LMBR1L: variants seen among roughly 807,000 people sequenced by gnomAD.
The protein encoded by LMBR1L is limb development membrane protein 1 like.
LMBR1L carries 47 observed loss-of-function variants against 67.3 expected under a neutral mutation model. The ratio of observed to expected loss-of-function variants is 0.70; its 90% CI spans 0.55 to 0.89. The LOEUF (loss-of-function observed/expected upper bound fraction) is 0.89, where lower values mean the gene tolerates loss of function less well. Among genes scored for constraint, LMBR1L ranks in the 40% least tolerant of loss-of-function variants. LMBR1L has a pLI of 0.00. For synonymous variants in LMBR1L, 247 were observed against 250.3 expected (o/e 0.99, Z 0.13); for missense variants, 533 against 599.2 (o/e 0.89, Z 1.15).
In LMBR1L at chr12:49,110,813, GT is replaced by G; in HGVS notation, c.-259del. 2.0e-6 allele frequency: 1 copy of G among 502,374 alleles called. No homozygotes were observed. The highest frequency in any genetic ancestry group is 5.3e-4 in the Middle Eastern group (1 of 1,876). 31.1% of individuals were successfully genotyped at this position (502,374 alleles called of 1,614,324 possible). ...CTCTTTAAGGTCGGGTCGCGCTCAC[GT>G]TTCAATGCAAACACCCGCCACTAGG... is the stretch of plus-strand genomic sequence containing the variant. On this transcript the variant is annotated 5_prime_UTR_variant, in exon 1 of 17. Coordinates refer to ENST00000267102, the MANE Select transcript of LMBR1L (RefSeq NM_018113.4).
At position 49,109,725 on chromosome 12, in the gene LMBR1L, AC is replaced by A. The variant is rs147876630; in HGVS notation, c.72+758del. 3.1e-3 allele frequency: 1,403 copies of A among 456,578 alleles called. 16 individuals carry two copies. Among genetic ancestry groups the A allele is most frequent in the African/African-American group, 0.025 (1,262 of 50,140 alleles). The allele number at this position is 456,578 out of a possible 1,614,324, so 28.3% of individuals were successfully genotyped here. ...ACCCTAAGCTCCACTGGGTACCCCTACCCCAGAATTGAGTAGTCCACTTCTG... is the reference window on the plus strand; with the variant it reads ...ACCCTAAGCTCCACTGGGTACCCCTACCCAGAATTGAGTAGTCCACTTCTG... On this transcript the variant is annotated intron_variant, in intron 1 of 16. Transcript: ENST00000267102.
In LMBR1L at chr12:49,101,501, C is replaced by A. The variant is rs1211259984; in HGVS notation, c.979G>T (p.Asp327Tyr). ...ATGCCTCGGGGCATGGCAGCCTCAT[C>A]GATGAGCAGCTCCAGGATGTGGATG... Reference protein sequence around the residue: ...VAIHILELLIDEAAMPRGMQG... With the variant: ...VAIHILELLIYEAAMPRGMQG... Residue 327 changes from aspartate (D) to tyrosine (Y), a missense_variant, in exon 12 of 17, where the codon GAT becomes TAT. This residue lies in a region of LMBR1L where 223 missense variants were observed against 241.2 expected (regional missense o/e 0.92). Coordinates refer to ENST00000267102, the MANE Select transcript of LMBR1L (RefSeq NM_018113.4). 1.2e-6 allele frequency: 2 copies of A among 1,613,872 alleles called. No homozygotes were observed. Among genetic ancestry groups the A allele is most frequent in the African/African-American group, 2.7e-5 (2 of 74,918 alleles).
At position 49,100,559 on chromosome 12, in the gene LMBR1L, C is replaced by A. The variant is rs772354061; in HGVS notation, c.1170G>T (p.Thr390=). ...LRPRWHDTAM[T]QIIGNCVCLL... ...TCCCTTACTCCCTCCCAGCTACCTG[C>A]GTCATGGCAGTGTCGTGCCATCTGG... Residue 390 remains threonine (T), a synonymous_variant, in exon 14 of 17, where the codon ACG becomes ACT. Coordinates refer to ENST00000267102, the MANE Select transcript of LMBR1L (RefSeq NM_018113.4). 1.2e-6 allele frequency: 2 copies of A among 1,613,996 alleles called. No individual in the cohort carries two copies. The highest frequency in any genetic ancestry group is 1.1e-5 in the South Asian group (1 of 91,076).
chr12:49,110,224 A>T lies in LMBR1L; in HGVS notation c.72+260T>A, dbSNP rs1000931238. The T allele has an allele frequency of 5.0e-5, 11 of 221,304 alleles. No homozygotes were observed. The African/African-American group carries it at 1.3e-3, about 26-fold the overall frequency. The allele number at this position is 221,304 out of a possible 1,614,324, so 13.7% of individuals were successfully genotyped here. On this transcript the variant is annotated intron_variant, in intron 1 of 16. Transcript: ENST00000267102. Reference sequence around the variant, plus strand: ...CCCCAACAGGAAGACGCGCTGGGTGAGGGGTGGGAGGGAGGGGCAGGGGAG... The same window carrying T: ...CCCCAACAGGAAGACGCGCTGGGTGTGGGGTGGGAGGGAGGGGCAGGGGAG...
chr12:49,106,388 G>A (rs1940912922), intron 2 of LMBR1L: 2 of 380,284 alleles, frequency 5.3e-6, no homozygotes, highest in Non-Finnish European at 1.0e-5. Flanking sequence ...CTGCCTTGTT[G>A]AGGGGGGACT....
In LMBR1L at chr12:49,100,456, TGGGTGGAA is replaced by T. The variant is rs748079152; in HGVS notation, c.1174-10_1174-3del. On this transcript the variant is annotated splice_region_variant and splice_polypyrimidine_tract_variant and intron_variant, in intron 14 of 16. Coordinates refer to ENST00000267102, the MANE Select transcript of LMBR1L (RefSeq NM_018113.4). ...GAGACAGACACAGTTCCCAATTATC[TGGGTGGAA>T]GCAGGGAAAGGAGAGGTGAGGGTGG... is the stretch of plus-strand genomic sequence containing the variant. The T allele has an allele frequency of 2.5e-6, 4 of 1,613,776 alleles. No homozygotes were observed. Among genetic ancestry groups the T allele is most frequent in the Non-Finnish European group, 2.5e-6 (3 of 1,179,640 alleles).
chr12:49,105,881 C>T, intron 3 of LMBR1L, 43 bp downstream of exon 3: 2 of 1,570,654 alleles, frequency 1.3e-6, no homozygotes, highest in Non-Finnish European at 8.7e-7. Flanking sequence ...GATCCCAGTT[C>T]CTAAAGACCA....
chr12:49,098,333 G>C (rs1247849075), intron 15 of LMBR1L, among the ~76,000 whole-genome samples: 1 of 152,170 alleles, frequency 6.6e-6, no homozygotes, highest in African/African-American at 2.4e-5. Context: ...TTCTCCTCCA[G>C]TGAGGCCTCC....
intron 16 of LMBR1L, 90 bp from the exon 17 acceptor site, chr12:49,097,829 G>A: frequency 6.3e-7 from 1 of 1,596,832 alleles, no homozygotes; most frequent in Non-Finnish European, 8.6e-7. Flanking sequence ...TGTGGATGAG[G>A]TACGTTACCC....
rs922828034 is a variant in LMBR1L at position 49,098,081 on chromosome 12, C to A, written c.1265G>T (p.Gly422Val). Residue 422 changes from glycine to valine, a missense_variant, in exon 16 of 17, where the codon GGT (glycine) becomes GTT (valine). Physicochemically the swap from Gly to Val is moderately radical, Grantham distance 109 (BLOSUM62 -3). This residue lies in a region of LMBR1L where 223 missense variants were observed against 241.2 expected (regional missense o/e 0.92). Coordinates refer to ENST00000267102, the MANE Select transcript of LMBR1L (RefSeq NM_018113.4). ...CAGCCAGTTGAAGCGTCCAAAGTCA[C>A]CCAGCAGGTCAAAGCGAGTGAGCCC... ...TLGLTRFDLL[G>V]DFGRFNWLGN... The A allele has an allele frequency of 3.1e-6, 5 of 1,613,906 alleles. No homozygotes were observed. The African/African-American group carries it at 4.0e-5, about 13-fold the overall frequency.
At chr12:49,103,248 A>G (rs1940452138) in intron 6 of LMBR1L, 89 bp from the exon 7 acceptor site, 2 of 1,092,320 alleles carry the variant, frequency 1.8e-6, no homozygotes, top group Non-Finnish European at 2.7e-6. Flanking sequence ...ACAAGGGCAC[A>G]GTCCCCACAG....
intron 15 of LMBR1L, among the ~76,000 whole-genome samples, chr12:49,100,010 A>C (rs1939928214): frequency 6.6e-6 from 1 of 152,196 alleles, no homozygotes; most frequent in African/African-American, 2.4e-5. Context: ...AGGGTCCTAG[A>C]CTGACTTGAC....
chr12:49,106,828 G>A (rs1243675767), intron 2 of LMBR1L, 133 bp downstream of exon 2: 1 of 885,628 alleles, frequency 1.1e-6, no homozygotes, highest in Non-Finnish European at 1.9e-6. Context: ...AGAAAGGGAG[G>A]CTGAAGAGGC....
At chr12:49,107,585 C>CT (rs1941062568) in intron 1 of LMBR1L, among the ~76,000 whole-genome samples, 1 of 152,178 alleles carries the variant, frequency 6.6e-6, no homozygotes, top group Non-Finnish European at 1.5e-5. Context: ...CTATTCCATG[C>CT]TTATTCAGGG....
In LMBR1L at chr12:49,097,688, T is replaced by G. The variant is rs768852221; in HGVS notation, c.1454A>C (p.Lys485Thr). Residue 485 changes from lysine to threonine, a missense_variant, in exon 17 of 17, where the codon AAG becomes ACG. By Grantham distance (78) the Lys-to-Thr change is moderately conservative. Coordinates refer to ENST00000267102, the MANE Select transcript of LMBR1L (RefSeq NM_018113.4). ...AGCTGGAGGTCACTGGTGCTGGGTC[T>G]TCCTAGATGCCTGGGGGAAACCGGA... ...PVSGFPQASRKTQHQ is the reference protein window; with the variant it reads ...PVSGFPQASRTTQHQ 41 of 1,613,654 alleles carry G rather than the reference T, an allele frequency of 2.5e-5. No individual in the cohort carries two copies. The highest frequency in any genetic ancestry group is 3.4e-5 in the Non-Finnish European group (40 of 1,180,030).
chr12:49,104,158 G>A, intron 5 of LMBR1L: 1 of 493,446 alleles, frequency 2.0e-6, no homozygotes, highest in Non-Finnish European at 3.6e-6. Flanking sequence ...TATGTTTCCT[G>A]TGAGTCCTCC....
chr12:49,107,150 G>A, intron 1 of LMBR1L, 105 bp from the exon 2 acceptor site: 1 of 743,452 alleles, frequency 1.3e-6, no homozygotes, highest in Non-Finnish European at 2.3e-6. Context: ...TCAAGATAAG[G>A]CTCCATACTT....
At position 49,100,417 on chromosome 12, in the gene LMBR1L, G is replaced by A; in HGVS notation, c.1211C>T (p.Ser404Leu). ...GNCVCLLVLSSALPVFSRTLG... is the reference protein window; with the variant it reads ...GNCVCLLVLSLALPVFSRTLG... ...GGTTCGAGAGAAGACAGGAAGTGCT[G>A]AGCTTAGGACCAGGAGACAGACACA... The change falls in exon 15 of 17, where the codon TCA becomes TTA. Residue 404 changes from serine to leucine, a missense_variant. Ser to Leu is a moderately radical substitution (Grantham distance 145, BLOSUM62 -2). This residue lies in a region of LMBR1L where 223 missense variants were observed against 241.2 expected (regional missense o/e 0.92). Coordinates refer to ENST00000267102, the MANE Select transcript of LMBR1L (RefSeq NM_018113.4). 6.2e-7 allele frequency: 1 copy of A among 1,614,022 alleles called. No homozygotes were observed. The highest frequency in any genetic ancestry group is 8.5e-7 in the Non-Finnish European group (1 of 1,179,864).
chr12:49,101,450 T>C (rs765150490), intron 12 of LMBR1L, 22 bp downstream of exon 12: 5 of 1,613,258 alleles, frequency 3.1e-6, no homozygotes, highest in Middle Eastern at 1.7e-4. Flanking sequence ...CCAAAGGATA[T>C]GGTGGGAGGG....
Sources: gnomAD v4.1 joint callset for allele counts (sites outside exome capture counted in the v4.1 genomes callset) on GRCh38, gnomAD v4.1.1 for gene constraint, gnomAD v4.1.1 regional missense constraint, MANE v1.5 for transcripts, NCBI Gene and HGNC (gene_info 2026-07-23, HGNC 2026-07-21) for gene names.